MGAT4C: variants seen among roughly 807,000 people sequenced by gnomAD.
MGAT4C encodes the protein MGAT4 family member C.
Under a neutral mutation model 40.1 loss-of-function variants are expected in MGAT4C, and 19 were observed. That is an observed-to-expected ratio of 0.47 (90% confidence interval 0.33 to 0.70). The LOEUF is 0.70. Ranked by LOEUF, MGAT4C falls within the 30% of genes least tolerant of loss-of-function variation. The probability of loss-of-function intolerance (pLI) is 0.02; values close to 1 mark genes in which losing one functional copy is unlikely to be tolerated. For missense variants in MGAT4C, 491 were observed against 563.2 expected, an observed-to-expected ratio of 0.87 and a Z score of 1.30; for synonymous variants, 181 against 187.1, an observed-to-expected ratio of 0.97 and a Z score of 0.27.
intron 2 of MGAT4C, among the ~76,000 whole-genome samples, chr12:86,031,440 A>G (rs2136905486): frequency 6.6e-6 from 1 of 151,980 alleles, no homozygotes; most frequent in South Asian, 2.1e-4. Flanking sequence ...TTACACTTTA[A>G]TGCATGAGAG....
At chr12:86,201,485 TATAAA>T (rs1950048601) in intron 1 of MGAT4C, among the ~76,000 whole-genome samples, 3 of 149,292 alleles carry the variant, frequency 2.0e-5, no homozygotes, top group Non-Finnish European at 3.0e-5. Flanking sequence ...ATTTACATAA[TATAAA>T]ATATTTACGT....
At chr12:86,823,632 A>T (rs1952745329) in intron 1 of MGAT4C, among the ~76,000 whole-genome samples, 1 of 151,376 alleles carries the variant, frequency 6.6e-6, no homozygotes, top group Non-Finnish European at 1.5e-5. Context: ...AGGATAGAAA[A>T]TGGGCAAAAA....
chr12:86,350,482 C>T (rs780372577), intron 3 of MGAT4C, among the ~76,000 whole-genome samples: 14 of 152,148 alleles, frequency 9.2e-5, no homozygotes, highest in African/African-American at 2.6e-4. Flanking sequence ...ACAGAGCAAG[C>T]GTAAGCCTAG....
intron 2 of MGAT4C, among the ~76,000 whole-genome samples, chr12:86,548,459 T>TTAA (rs2136393352): frequency 6.6e-6 from 1 of 152,260 alleles, no homozygotes; most frequent in South Asian, 2.1e-4. Flanking sequence ...TTCCCTTTAG[T>TTAA]TAATCCCCAA....
chr12:86,017,592 T>C (rs1205938209), intron 2 of MGAT4C, among the ~76,000 whole-genome samples: 2 of 152,184 alleles, frequency 1.3e-5, no homozygotes, highest in Non-Finnish European at 2.9e-5. Flanking sequence ...ATTGACACTA[T>C]GTACAGTTAG....
At chr12:86,045,281 T>C (rs909847379) in intron 2 of MGAT4C, among the ~76,000 whole-genome samples, 3 of 152,188 alleles carry the variant, frequency 2.0e-5, no homozygotes, top group African/African-American at 7.2e-5. Flanking sequence ...ATTGCAGCGA[T>C]TGGCTGGACC....
chr12:86,588,584 A>T (rs1341226313), intron 2 of MGAT4C, among the ~76,000 whole-genome samples: 2 of 152,014 alleles, frequency 1.3e-5, no homozygotes, highest in African/African-American at 4.8e-5. Context: ...CTCCACCCCA[A>T]ATCAACAGAA....
intron 3 of MGAT4C, among the ~76,000 whole-genome samples, chr12:86,411,279 T>G (rs947887184): frequency 6.6e-6 from 1 of 152,046 alleles, no homozygotes; most frequent in African/African-American, 2.4e-5. Context: ...GACAAGAAAA[T>G]GAGGGAAAGT....
intron 2 of MGAT4C, among the ~76,000 whole-genome samples, chr12:86,463,514 C>T (rs1470880412): frequency 6.6e-6 from 1 of 152,240 alleles, no homozygotes; most frequent in Non-Finnish European, 1.5e-5. Flanking sequence ...TTCCTAATAT[C>T]TTTTCGTGTC....
chr12:86,178,423 T>G (rs1388275899), intron 1 of MGAT4C, among the ~76,000 whole-genome samples: 1 of 152,240 alleles, frequency 6.6e-6, no homozygotes, highest in African/African-American at 2.4e-5. Flanking sequence ...TTCACATTTA[T>G]GCTGAGAATT....
chr12:86,612,898 T>A (rs990258215), intron 2 of MGAT4C, among the ~76,000 whole-genome samples: 2 of 152,160 alleles, frequency 1.3e-5, no homozygotes, highest in African/African-American at 4.8e-5. Context: ...ACTGCAAAAC[T>A]GCTGCAATTA....
chr12:86,612,167 G>T (rs1199166846), intron 2 of MGAT4C, among the ~76,000 whole-genome samples: 1 of 151,976 alleles, frequency 6.6e-6, no homozygotes, highest in Non-Finnish European at 1.5e-5. Context: ...TGATAACAAA[G>T]AACTTGCATG....
intron 3 of MGAT4C, among the ~76,000 whole-genome samples, chr12:86,334,849 A>T (rs1399764965): frequency 1.3e-5 from 2 of 152,140 alleles, no homozygotes; most frequent in Admixed American, 1.3e-4. Flanking sequence ...GTAATTTCTT[A>T]GAAGTTTTAG....
At chr12:86,013,398 C>T (rs533557420) in intron 2 of MGAT4C, among the ~76,000 whole-genome samples, 4 of 152,162 alleles carry the variant, frequency 2.6e-5, no homozygotes, top group South Asian at 4.2e-4. Flanking sequence ...CCTGCCACCA[C>T]GCCCGGCTAA....
chr12:86,260,680 A>G (rs1952639661), upstream of MGAT4C, among the ~76,000 whole-genome samples: 2 of 152,080 alleles, frequency 1.3e-5, no homozygotes, highest in Admixed American at 6.6e-5. Context: ...CTTCTGTTCA[A>G]TTATTGACTG....
intron 2 of MGAT4C, among the ~76,000 whole-genome samples, chr12:85,995,442 T>A (rs1056362432): frequency 6.6e-6 from 1 of 152,018 alleles, no homozygotes; most frequent in African/African-American, 2.4e-5. Context: ...GAAAGAACCA[T>A]AAAAAAGTAG....
chr12:86,204,062 A>C (rs1381377730), intron 1 of MGAT4C, among the ~76,000 whole-genome samples: 2 of 151,458 alleles, frequency 1.3e-5, no homozygotes, highest in African/African-American at 4.8e-5. Context: ...AGATAAATTT[A>C]CTTCAAAGAG....
intron 1 of MGAT4C, among the ~76,000 whole-genome samples, chr12:86,811,336 ATTT>A (rs553885593): frequency 5.1e-3 from 549 of 106,920 alleles, no homozygotes; most frequent in Middle Eastern, 0.025. Flanking sequence ...CACTCATAGT[ATTT>A]TTTTTTTTTT....
chr12:86,758,835 G>A lies in MGAT4C; in HGVS notation c.-261-31594C>T, dbSNP rs368347430. Among the ~76,000 whole-genome samples the A allele has an allele frequency of 1.6e-4, 24 of 152,014 alleles. 1 individual carries two copies. In the East Asian group the frequency reaches 4.1e-3, roughly 26 times the overall value. ...TACACGGATGCATTGTGTAATGATC[G>A]AATTGGGGCAATTAGAGTATTCATC... On this transcript the variant is annotated intron_variant, in intron 1 of 7. Transcript: ENST00000548651.
Sources: allele counts gnomAD v4.1 joint callset (sites outside exome capture counted in the v4.1 genomes callset), GRCh38; gene constraint gnomAD v4.1.1; transcripts MANE v1.5; gene names NCBI Gene and HGNC (gene_info 2026-07-23, HGNC 2026-07-21).